The following TRPM8 variants were observed in gnomAD, a reference collection of about 807,000 sequenced individuals.
The protein encoded by TRPM8 is TRPM8 cationic channel.
Under a neutral mutation model 133.7 loss-of-function variants are expected in TRPM8, and 110 were observed. The observed-to-expected ratio is 0.82, with a 90% CI of 0.70 to 0.96. The LOEUF is 0.96. Among genes scored for constraint, TRPM8 ranks in the 40% least tolerant of loss-of-function variants. TRPM8 has a pLI of 0.00. For missense variants in TRPM8, 1,291 were observed against 1,379.5 expected (o/e 0.94, Z 1.02); for synonymous variants, 535 against 532.3 (o/e 1.01, Z -0.07).
intron 15 of TRPM8, among the ~76,000 whole-genome samples, chr2:233,967,483 T>G (rs1691605266): frequency 6.6e-6 from 1 of 152,172 alleles, no homozygotes; most frequent in African/African-American, 2.4e-5. Flanking sequence ...TGGGGATGGG[T>G]GCCATCCCAT....
chr2:233,975,563 G>A (rs757029647), intron 17 of TRPM8, among the ~76,000 whole-genome samples: 3 of 152,318 alleles, frequency 2.0e-5, no homozygotes, highest in African/African-American at 4.8e-5. Context: ...AAGTCCAGAC[G>A]TTGTTTGACT....
chr2:233,940,122 T>C lies in TRPM8; in HGVS notation c.526+947T>C, dbSNP rs1479112061. ...GTCTTTCATTACGTTTTTTGAAAAGTGTAGGCCAATTGCTTAGTAGACTGT... is the reference window on the plus strand; with the variant it reads ...GTCTTTCATTACGTTTTTTGAAAAGCGTAGGCCAATTGCTTAGTAGACTGT... On this transcript the variant is annotated intron_variant, in intron 5 of 25. Coordinates refer to ENST00000324695, the MANE Select transcript of TRPM8 (RefSeq NM_024080.5). 5.3e-5 allele frequency among the ~76,000 whole-genome samples: 8 copies of C among 151,664 alleles called. No homozygotes were observed. In the East Asian group the frequency reaches 1.2e-3, roughly 22 times the overall value.
chr2:233,918,955 C>G (rs1691355550), intron 1 of TRPM8, among the ~76,000 whole-genome samples: 1 of 151,974 alleles, frequency 6.6e-6, no homozygotes, highest in South Asian at 2.1e-4. Flanking sequence ...GGTGTGGGGC[C>G]CTTTGGAGCA....
intron 3 of TRPM8, among the ~76,000 whole-genome samples, chr2:233,934,443 T>C (rs1254403850): frequency 6.6e-6 from 1 of 152,220 alleles, no homozygotes; most frequent in Non-Finnish European, 1.5e-5. Flanking sequence ...CTGTCAATTA[T>C]GAACATTTCC....
chr2:233,978,107 TG>T (rs2125263856), intron 17 of TRPM8, among the ~76,000 whole-genome samples: 1 of 151,848 alleles, frequency 6.6e-6, no homozygotes, highest in Non-Finnish European at 1.5e-5. Flanking sequence ...GAATTTCTCA[TG>T]GGCATTCCTG....
chr2:233,951,622 C>T (rs532202726), intron 9 of TRPM8, among the ~76,000 whole-genome samples: 1 of 152,298 alleles, frequency 6.6e-6, no homozygotes, highest in Admixed American at 6.5e-5. Context: ...GGCTAAAAGG[C>T]ACATTCTACC....
intron 9 of TRPM8, among the ~76,000 whole-genome samples, chr2:233,951,389 G>A (rs533961806): frequency 3.3e-5 from 5 of 152,256 alleles, no homozygotes; most frequent in Non-Finnish European, 5.9e-5. Context: ...TCAGTTCAGG[G>A]ATCCCCATAG....
At chr2:233,926,204 A>G (rs1691511125) in intron 1 of TRPM8, among the ~76,000 whole-genome samples, 1 of 152,198 alleles carries the variant, frequency 6.6e-6, no homozygotes, top group South Asian at 2.1e-4. Flanking sequence ...ACTGTGATGC[A>G]TGTGCTACAG....
At chr2:233,940,379 C>T (rs762516647) in intron 5 of TRPM8, among the ~76,000 whole-genome samples, 1 of 151,798 alleles carries the variant, frequency 6.6e-6, no homozygotes, top group Non-Finnish European at 1.5e-5. Flanking sequence ...AGAGGGAACA[C>T]TGTGGGTTGT....
intron 17 of TRPM8, among the ~76,000 whole-genome samples, chr2:233,971,423 G>C (rs1011867138): frequency 1.3e-5 from 2 of 152,184 alleles, no homozygotes; most frequent in Admixed American, 6.5e-5. Context: ...TGATCGATTA[G>C]TGATGTCTGC....
chr2:233,964,899 G>A, intron 14 of TRPM8, 142 bp downstream of exon 14: 1 of 798,702 alleles, frequency 1.3e-6, no homozygotes, highest in Non-Finnish European at 1.8e-6. Context: ...CAGACCACAA[G>A]GTCTGGATGC....
intron 17 of TRPM8, among the ~76,000 whole-genome samples, chr2:233,972,645 T>C (rs1283876597): frequency 6.6e-6 from 1 of 152,196 alleles, no homozygotes; most frequent in African/African-American, 2.4e-5. Context: ...GGTGAGAAAT[T>C]GAGTGCAGCG....
At chr2:233,927,807 C>T (rs1176881663) in intron 2 of TRPM8, among the ~76,000 whole-genome samples, 17 of 54,020 alleles carry the variant, frequency 3.1e-4, no homozygotes, top group Non-Finnish European at 4.5e-4. Flanking sequence ...TTCCTTCCTT[C>T]CTTCCTTCCT....
In TRPM8 at chr2:234,018,284, C is replaced by A. The variant is rs199706797; in HGVS notation, c.*1028C>A. ...ATTATATCAATAATTGCATAATAGG[C>A]AACCTCTAGCGATTACCATAATTTT... is the stretch of plus-strand genomic sequence containing the variant. On this transcript the variant is annotated 3_prime_UTR_variant, in exon 26 of 26. Transcript: ENST00000324695. 6.6e-5 allele frequency: 10 copies of A among 151,996 alleles called. No individual in the cohort carries two copies. The highest frequency in any genetic ancestry group is 1.3e-4 in the Non-Finnish European group (9 of 67,994). The allele number at this position is 151,996 out of a possible 1,614,324, so 9.4% of individuals were successfully genotyped here. A position where few individuals can be genotyped will look rare whatever the true frequency, so the allele number is the denominator to read the frequency against.
chr2:233,983,916 C>T, intron 20 of TRPM8, among the ~76,000 whole-genome samples: 1 of 152,164 alleles, frequency 6.6e-6, no homozygotes, highest in East Asian at 1.9e-4. Context: ...TCCTCCTGGC[C>T]TTGTAAGTCT....
chr2:233,945,710 T>C, intron 6 of TRPM8, 146 bp from the exon 7 acceptor site: 4 of 640,630 alleles, frequency 6.2e-6, no homozygotes, highest in Non-Finnish European at 1.1e-5. Flanking sequence ...ATAAGATCGC[T>C]AAGACCCCTC....
At chr2:233,992,414 A>G (rs970310594) in intron 21 of TRPM8, among the ~76,000 whole-genome samples, 1 of 152,022 alleles carries the variant, frequency 6.6e-6, no homozygotes, top group Non-Finnish European at 1.5e-5. Context: ...TGTTCTTAAT[A>G]TTTAGTCATC....
chr2:233,923,645 T>G (rs1041384136), intron 1 of TRPM8, among the ~76,000 whole-genome samples: 6 of 152,232 alleles, frequency 3.9e-5, no homozygotes, highest in Non-Finnish European at 8.8e-5. Context: ...CACACTTGAT[T>G]AGGGTGCCAG....
At chr2:234,007,499 A>G (rs1008370707) in intron 23 of TRPM8, among the ~76,000 whole-genome samples, 1 of 152,250 alleles carries the variant, frequency 6.6e-6, no homozygotes, top group Non-Finnish European at 1.5e-5. Flanking sequence ...TCTTATAGAA[A>G]TAGATAAGTC....
Sources: gnomAD v4.1 joint callset for allele counts (sites outside exome capture counted in the v4.1 genomes callset) on GRCh38, gnomAD v4.1.1 for gene constraint, MANE v1.5 for transcripts, NCBI Gene and HGNC (gene_info 2026-07-23, HGNC 2026-07-21) for gene names.